Variants in ABCC1 observed in about 807,000 individuals in gnomAD.
ABCC1 encodes ATP binding cassette subfamily C member 1 (ABCC1 blood group).
ABCC1 carries 83 observed loss-of-function variants against 172.9 expected under a neutral mutation model. The ratio of observed to expected loss-of-function variants is 0.48; its 90% CI spans 0.40 to 0.58. The LOEUF (loss-of-function observed/expected upper bound fraction) is 0.58, where lower values mean the gene tolerates loss of function less well. Ranked by LOEUF, ABCC1 falls within the 20% of genes least tolerant of loss-of-function variation. ABCC1 has a pLI of 0.00. For missense variants in ABCC1, 1,817 were observed against 2,002.7 expected (o/e 0.91, Z 1.77); for synonymous variants, 937 against 825.2 (o/e 1.14, Z -2.32).
intron 28 of ABCC1, among the ~76,000 whole-genome samples, chr16:16,135,030 A>C (rs2045865614): frequency 6.6e-6 from 1 of 152,134 alleles, no homozygotes; most frequent in Admixed American, 6.5e-5. Context: ...TTAACTGACT[A>C]TCAGTCCCGA....
intron 1 of ABCC1, among the ~76,000 whole-genome samples, chr16:15,953,631 C>T (rs1164523302): frequency 6.6e-6 from 1 of 152,232 alleles, no homozygotes; most frequent in African/African-American, 2.4e-5. Flanking sequence ...CTGGAATTCT[C>T]CAGTTAATTT....
intron 19 of ABCC1, among the ~76,000 whole-genome samples, chr16:16,097,694 T>C (rs778658758): frequency 8.5e-5 from 13 of 152,144 alleles, no homozygotes; most frequent in Admixed American, 4.6e-4. Context: ...CCCTCTGGCA[T>C]TGGGAAGTCA....
chr16:15,970,988 G>A (rs1280037406), intron 1 of ABCC1, among the ~76,000 whole-genome samples: 2 of 152,194 alleles, frequency 1.3e-5, no homozygotes, highest in Non-Finnish European at 2.9e-5. Flanking sequence ...TCTTGCTTGT[G>A]TGACTTTGGT....
intron 1 of ABCC1, among the ~76,000 whole-genome samples, chr16:15,995,665 GT>G (rs2151651772): frequency 6.6e-6 from 1 of 152,276 alleles, no homozygotes; most frequent in South Asian, 2.1e-4. Flanking sequence ...ACTGTTGCAA[GT>G]TACTTATTTA....
Position 16,114,886 on chromosome 16 carries a change from C to T in ABCC1, c.3200C>T (p.Thr1067Ile), listed in dbSNP as rs2044785500. 2 of 1,613,874 alleles carry T rather than the reference C, an allele frequency of 1.2e-6. No individual in the cohort carries two copies. The highest frequency in any genetic ancestry group is 1.7e-6 in the Non-Finnish European group (2 of 1,179,912). ...TCACCCATGAGCTTCTTTGAGCGGA[C>T]CCCCAGTGGGAACCTGGTGAACCGC... The part of the protein sequence containing the change: ...LRSPMSFFER[T>I]PSGNLVNRFS... Residue 1067 changes from threonine to isoleucine, a missense_variant, in exon 23 of 31, where the codon ACC (threonine) becomes ATC (isoleucine). Coordinates refer to ENST00000399410, the MANE Select transcript of ABCC1 (RefSeq NM_004996.4).
chr16:16,021,708 A>G (rs1256587795), intron 5 of ABCC1, among the ~76,000 whole-genome samples: 1 of 152,148 alleles, frequency 6.6e-6, no homozygotes, highest in African/African-American at 2.4e-5. Context: ...CCCTGTCTCA[A>G]ACAAACAACG....
chr16:16,114,564 C>T (rs1440252428), intron 22 of ABCC1, among the ~76,000 whole-genome samples: 1 of 152,106 alleles, frequency 6.6e-6, no homozygotes, highest in Non-Finnish European at 1.5e-5. Context: ...TGGTCTCGAT[C>T]TCCTGACCTC....
At chr16:16,014,662 G>A in intron 4 of ABCC1, 34 bp downstream of exon 4, 1 of 1,610,894 alleles carries the variant, frequency 6.2e-7, no homozygotes, top group Non-Finnish European at 8.5e-7. Flanking sequence ...TCTTCCTTCA[G>A]TGGACCCGGA....
chr16:16,093,055 ATTAT>A (rs1240968000), intron 19 of ABCC1, among the ~76,000 whole-genome samples: 4 of 152,146 alleles, frequency 2.6e-5, no homozygotes, highest in Non-Finnish European at 4.4e-5. Flanking sequence ...CAGCTTTTAA[ATTAT>A]TTGATTAGAC....
intron 22 of ABCC1, among the ~76,000 whole-genome samples, chr16:16,111,923 TC>T (rs2152086927): frequency 6.6e-6 from 1 of 152,302 alleles, no homozygotes; most frequent in East Asian, 1.9e-4. Context: ...TTCCATGAGG[TC>T]TCATTTGCGG....
chr16:16,014,375 G>A, intron 3 of ABCC1, 116 bp from the exon 4 acceptor site: 1 of 1,204,954 alleles, frequency 8.3e-7, no homozygotes, highest in Non-Finnish European at 1.1e-6. Context: ...GAACCTGGGA[G>A]GCGGAGGTTG....
At chr16:15,995,649 A>G (rs1355676785) in intron 1 of ABCC1, among the ~76,000 whole-genome samples, 1 of 152,120 alleles carries the variant, frequency 6.6e-6, no homozygotes, top group Non-Finnish European at 1.5e-5. Flanking sequence ...GAGCAATAAG[A>G]ACCCGACTGT....
chr16:15,966,409 T>TAA (rs34914361), intron 1 of ABCC1, among the ~76,000 whole-genome samples: 22,495 of 138,800 alleles, frequency 0.16, 1,972 homozygotes, highest in Non-Finnish European at 0.2. Context: ...GACTTTATCT[T>TAA]AAAAAAAAAA....
intron 19 of ABCC1, among the ~76,000 whole-genome samples, chr16:16,096,805 C>T (rs985952528): frequency 5.9e-5 from 9 of 152,092 alleles, no homozygotes; most frequent in Non-Finnish European, 7.3e-5. Flanking sequence ...ACTTAACGTA[C>T]GTGGGTCAAG....
chr16:16,067,935 T>C (rs570512735), intron 12 of ABCC1, among the ~76,000 whole-genome samples: 29 of 152,300 alleles, frequency 1.9e-4, no homozygotes, highest in African/African-American at 6.7e-4. Context: ...GGCCGGCTCT[T>C]TGGGCTCCCG....
chr16:16,076,793 G>T (rs757770923), intron 15 of ABCC1, among the ~76,000 whole-genome samples: 1 of 152,120 alleles, frequency 6.6e-6, no homozygotes, highest in African/African-American at 2.4e-5. Context: ...TTATCCTCAC[G>T]CATCCTCTCC....
intron 1 of ABCC1, among the ~76,000 whole-genome samples, chr16:15,973,963 T>C (rs215085): frequency 0.66 from 100,456 of 151,836 alleles, 33,576 homozygotes; most frequent in South Asian, 0.73. Flanking sequence ...CCAGCTTGGG[T>C]GACAGAGTGA....
At chr16:16,118,429 T>G (rs1366282266) in intron 23 of ABCC1, among the ~76,000 whole-genome samples, 5 of 144,518 alleles carry the variant, frequency 3.5e-5, no homozygotes, top group Non-Finnish European at 7.8e-5. Context: ...GCCAGCTTTT[T>G]TTTTTTTTTT....
At chr16:16,107,206 C>G (rs549056363) in intron 21 of ABCC1, among the ~76,000 whole-genome samples, 1 of 152,246 alleles carries the variant, frequency 6.6e-6, no homozygotes, top group African/African-American at 2.4e-5. Flanking sequence ...CTTCCTGCAA[C>G]GTGGGGTTCA....
Sources: gnomAD v4.1 joint callset for allele counts (sites outside exome capture counted in the v4.1 genomes callset) on GRCh38, gnomAD v4.1.1 for gene constraint, MANE v1.5 for transcripts, NCBI Gene and HGNC (gene_info 2026-07-23, HGNC 2026-07-21) for gene names.